FRMPD4: variants seen among roughly 807,000 people sequenced by gnomAD.
FRMPD4 encodes FERM and PDZ domain-containing protein 4.
FRMPD4 carries 22 observed loss-of-function variants against 94.1 expected under a neutral mutation model. The ratio of observed to expected loss-of-function variants is 0.23; its 90% CI spans 0.17 to 0.33. The LOEUF (loss-of-function observed/expected upper bound fraction) is 0.33, where lower values mean the gene tolerates loss of function less well. Ranked by LOEUF, FRMPD4 falls within the 10% of genes least tolerant of loss-of-function variation. FRMPD4 has a pLI of 1.00. For synonymous variants in FRMPD4, 631 were observed against 548.6 expected (o/e 1.15, Z -2.10); for missense variants, 1,111 against 1,339.9 (o/e 0.83, Z 2.67).
intron 1 of FRMPD4, among the ~76,000 whole-genome samples, chrX:12,242,966 T>A (rs1343968177): frequency 8.9e-6 from 1 of 112,698 alleles, no homozygotes; most frequent in East Asian, 2.8e-4. Flanking sequence ...TTCAGACTCC[T>A]GGGCTCAAGC....
chrX:12,358,949 C>A (rs1308196996), intron 1 of FRMPD4, among the ~76,000 whole-genome samples: 2 of 112,141 alleles, frequency 1.8e-5, no homozygotes, highest in African/African-American at 6.5e-5. Flanking sequence ...ATAACCGCAA[C>A]AACAGTGTAA....
intron 3 of FRMPD4, among the ~76,000 whole-genome samples, chrX:11,896,063 G>T (rs2053901692): frequency 1.8e-5 from 2 of 112,348 alleles, no homozygotes; most frequent in South Asian, 7.3e-4. Flanking sequence ...TCAATTTCAG[G>T]CTTCCAGCCA....
intron 1 of FRMPD4, among the ~76,000 whole-genome samples, chrX:12,414,714 A>G (rs1241079550): frequency 8.9e-6 from 1 of 111,849 alleles, no homozygotes; most frequent in Non-Finnish European, 1.9e-5. Flanking sequence ...GAGCAACTTC[A>G]GTAGAAGAGA....
At chrX:12,131,463 T>A (rs1371982088) in intron 3 of FRMPD4, among the ~76,000 whole-genome samples, 1 of 111,929 alleles carries the variant, frequency 8.9e-6, no homozygotes, top group African/African-American at 3.3e-5. Flanking sequence ...CCTATAAAGC[T>A]TACAAATGAG....
chrX:12,356,681 A>T (rs750714079), intron 1 of FRMPD4, among the ~76,000 whole-genome samples: 6 of 112,534 alleles, frequency 5.3e-5, no homozygotes, highest in African/African-American at 9.7e-5. Flanking sequence ...AGCTGCTTTT[A>T]AAAAATACAT....
In FRMPD4 at chrX:12,351,401, C is replaced by T. The variant is rs368389064; in HGVS notation, c.42-147279C>T. Among the ~76,000 whole-genome samples the T allele has an allele frequency of 2.9e-4, 32 of 110,708 alleles. No homozygotes were observed. The South Asian group carries it at 6.2e-3, about 21-fold the overall frequency. On this transcript the variant is annotated intron_variant, in intron 1 of 16. Coordinates refer to ENST00000675598, the MANE Select transcript of FRMPD4 (RefSeq NM_001368397.1). ...CTCAGCAGCCTATAGATAAACAGTT[C>T]GCAGTCTTGGTGATTTCAGTCTTGG...
In FRMPD4 at chrX:12,353,487, T is replaced by A. The variant is rs369572217; in HGVS notation, c.42-145193T>A. Among the ~76,000 whole-genome samples the A allele has an allele frequency of 5.4e-5, 6 of 112,138 alleles. No individual in the cohort carries two copies. In the East Asian group the frequency reaches 1.4e-3, roughly 26 times the overall value. On this transcript the variant is annotated intron_variant, in intron 1 of 16. Transcript: ENST00000675598. Reference sequence around the variant, plus strand: ...GACTCGCTAGCTGAAGCTCAAAGTATTTGAGTTGCTCATCAGAAAGTTGTT... The same window carrying A: ...GACTCGCTAGCTGAAGCTCAAAGTAATTGAGTTGCTCATCAGAAAGTTGTT...
chrX:12,316,779 T>C (rs1402257180), intron 1 of FRMPD4, among the ~76,000 whole-genome samples: 3 of 110,539 alleles, frequency 2.7e-5, no homozygotes, highest in African/African-American at 9.9e-5. Context: ...TTTTTTTTTT[T>C]TAAAGCTCAG....
chrX:12,021,094 A>C (rs2054629886), intron 3 of FRMPD4, among the ~76,000 whole-genome samples: 1 of 112,121 alleles, frequency 8.9e-6, no homozygotes, highest in Non-Finnish European at 1.9e-5. Flanking sequence ...TTGCATGCAG[A>C]TAGATATACC....
Position 12,720,923 on chromosome X carries a change from C to G in FRMPD4, c.4354C>G (p.Leu1452Val). The G allele has an allele frequency of 1.2e-6, 1 of 814,013 alleles. No homozygotes were observed. Among genetic ancestry groups the G allele is most frequent in the Non-Finnish European group, 1.5e-6 (1 of 676,157 alleles). 67.1% of individuals were successfully genotyped at this position (814,013 alleles called of 1,213,427 possible). A position where few individuals can be genotyped will look rare whatever the true frequency, so the allele number is the denominator to read the frequency against. The change falls in exon 17 of 17, where the codon CTC becomes GTC. Residue 1452 changes from leucine to valine, a missense_variant. Around this residue, in one of 8 missense-constraint regions of FRMPD4, gnomAD observed 551 missense variants for 591.6 expected, o/e 0.93. Coordinates refer to ENST00000675598, the MANE Select transcript of FRMPD4 (RefSeq NM_001368397.1). ...AGCAGAACTCCCCCTGGGGAGGAAG[C>G]TCACCAAAAGTTTTTCCCAAAGCTC... Reference protein sequence around the residue: ...RRAELPLGRKLTKSFSQSSMH... With the variant: ...RRAELPLGRKVTKSFSQSSMH...
intron 3 of FRMPD4, among the ~76,000 whole-genome samples, chrX:12,091,650 G>T (rs1207672096): frequency 9.0e-6 from 1 of 111,477 alleles, no homozygotes; most frequent in East Asian, 2.8e-4. Context: ...TGGGGTGATT[G>T]TATCTCCCAG....
At chrX:11,834,780 A>G (rs2053492793) in intron 1 of FRMPD4, among the ~76,000 whole-genome samples, 1 of 112,120 alleles carries the variant, frequency 8.9e-6, no homozygotes, top group Non-Finnish European at 1.9e-5. Context: ...AATATTACAC[A>G]TTTAACACAA....
intron 4 of FRMPD4, among the ~76,000 whole-genome samples, chrX:12,658,777 G>A (rs1173234234): frequency 9.0e-6 from 1 of 111,451 alleles, no homozygotes; most frequent in Non-Finnish European, 1.9e-5. Context: ...CATTTAGAGA[G>A]CCATTAAAAA....
intron 2 of FRMPD4, among the ~76,000 whole-genome samples, chrX:12,543,506 C>A (rs896757663): frequency 2.4e-4 from 27 of 112,165 alleles, no homozygotes; most frequent in African/African-American, 8.7e-4. Flanking sequence ...TCATCACTGG[C>A]CATCAGAGAA....
intron 3 of FRMPD4, among the ~76,000 whole-genome samples, chrX:11,907,823 T>C (rs1178021373): frequency 8.9e-6 from 1 of 111,792 alleles, no homozygotes; most frequent in Non-Finnish European, 1.9e-5. Flanking sequence ...GCACCTTTTT[T>C]TCCCCTGGGT....
At chrX:12,095,146 G>A (rs1031086721) in intron 3 of FRMPD4, among the ~76,000 whole-genome samples, 5 of 111,421 alleles carry the variant, frequency 4.5e-5, no homozygotes, top group African/African-American at 1.6e-4. Flanking sequence ...AGAGGCCAAG[G>A]CAGGAAGATT....
intron 1 of FRMPD4, among the ~76,000 whole-genome samples, chrX:11,856,455 A>G (rs2053654299): frequency 8.9e-6 from 1 of 112,193 alleles, no homozygotes; most frequent in Non-Finnish European, 1.9e-5. Context: ...GACAAAAATC[A>G]CACGATTATC....
intron 1 of FRMPD4, among the ~76,000 whole-genome samples, chrX:12,186,881 C>T (rs1461436846): frequency 8.9e-6 from 1 of 112,032 alleles, no homozygotes; most frequent in East Asian, 2.8e-4. Context: ...GTCTCATCTT[C>T]TTGTATTTCC....
chrX:12,612,380 AC>A (rs1227736737), intron 3 of FRMPD4, among the ~76,000 whole-genome samples: 1 of 112,396 alleles, frequency 8.9e-6, no homozygotes, highest in Non-Finnish European at 1.9e-5. Context: ...GTCAAAGAGT[AC>A]TATTTCCAGT....
Sources: allele counts gnomAD v4.1 joint callset (sites outside exome capture counted in the v4.1 genomes callset), GRCh38; gene constraint gnomAD v4.1.1; regional missense constraint gnomAD v4.1.1; transcripts MANE v1.5; gene names NCBI Gene and HGNC (gene_info 2026-07-23, HGNC 2026-07-21).